Variants in PTK2 observed in about 807,000 individuals in gnomAD.
The protein encoded by PTK2 is protein tyrosine kinase 2.
Under a neutral mutation model 150.1 loss-of-function variants are expected in PTK2, and 45 were observed. That is an observed-to-expected ratio of 0.30 (90% CI 0.24 to 0.38). The LOEUF is 0.38. Among genes scored for constraint, PTK2 ranks in the 10% least tolerant of loss-of-function variants. The pLI, the probability that PTK2 is intolerant of heterozygous loss-of-function variation, is 1.00. For synonymous variants in PTK2, 432 were observed against 449.2 expected (o/e 0.96, Z 0.48); for missense variants, 919 against 1,307.3 (o/e 0.70, Z 4.58).
At chr8:140,790,431 C>T (rs2100087762) in intron 13 of PTK2, among the ~76,000 whole-genome samples, 1 of 152,058 alleles carries the variant, frequency 6.6e-6, no homozygotes, top group Non-Finnish European at 1.5e-5. Flanking sequence ...TACATGTAAC[C>T]CAAAAGTAAT....
intron 2 of PTK2, among the ~76,000 whole-genome samples, chr8:140,903,883 A>T (rs570864267): frequency 1.7e-4 from 26 of 152,324 alleles, no homozygotes; most frequent in Middle Eastern, 3.4e-3. Context: ...TATCAGCTTA[A>T]GGAGATTTTG....
chr8:140,670,533 ACACAC>A (rs1288804446), intron 29 of PTK2, among the ~76,000 whole-genome samples: 1 of 142,328 alleles, frequency 7.0e-6, no homozygotes, highest in Non-Finnish European at 1.5e-5. Context: ...ACACACACAC[ACACAC>A]ATTGGGAGCT....
chr8:140,898,148 AAAG>A (rs1263869213), intron 2 of PTK2, among the ~76,000 whole-genome samples: 2 of 152,232 alleles, frequency 1.3e-5, no homozygotes, highest in African/African-American at 2.4e-5. Flanking sequence ...TTTCTAGAAA[AAAG>A]AAGTTTTTTT....
chr8:140,662,525 C>T (rs1032610913), intron 31 of PTK2: 18 of 399,938 alleles, frequency 4.5e-5, no homozygotes, highest in African/African-American at 2.3e-4. Flanking sequence ...GCCAGAGGCC[C>T]GGTGAAGCAG....
chr8:140,960,154 AG>A (rs2100182613), intron 1 of PTK2, among the ~76,000 whole-genome samples: 1 of 151,166 alleles, frequency 6.6e-6, no homozygotes, highest in African/African-American at 2.4e-5. Context: ...TTGTATTAGA[AG>A]GAAAAAAACA....
At chr8:140,825,592 C>T (rs551047236) in intron 8 of PTK2, among the ~76,000 whole-genome samples, 71 of 152,302 alleles carry the variant, frequency 4.7e-4, no homozygotes, top group African/African-American at 1.6e-3. Context: ...CTAATTTAAG[C>T]TCAGAGTAGA....
rs13269451 is a variant in PTK2, at chr8:140,677,856, C to T, written c.2563-2357G>A. On this transcript the variant is annotated intron_variant, in intron 27 of 31. Coordinates refer to ENST00000522684, the Ensembl canonical transcript of PTK2. ...ACAGTTATTGAACATCCGCTTTGTT[C>T]TAGCACTGTTCTAGGTATAAAACAA... Among the ~76,000 whole-genome samples, 569 of 152,324 alleles carry T rather than the reference C, an allele frequency of 3.7e-3. 2 individuals are homozygous for T. Among genetic ancestry groups the T allele is most frequent in the Middle Eastern group, 0.01 (3 of 294 alleles).
chr8:140,736,348 A>G (rs576119010), intron 21 of PTK2, among the ~76,000 whole-genome samples: 1 of 152,294 alleles, frequency 6.6e-6, no homozygotes, highest in African/African-American at 2.4e-5. Flanking sequence ...GAAGATGGGA[A>G]CAACAGACAG....
intron 3 of PTK2, among the ~76,000 whole-genome samples, chr8:140,888,750 G>C (rs1444652073): frequency 6.8e-6 from 1 of 146,782 alleles, no homozygotes; most frequent in African/African-American, 2.4e-5. Flanking sequence ...TGAGTCTTCT[G>C]ATGTAAGTCT....
intron 31 of PTK2, 135 bp downstream of exon 35, chr8:140,664,782 G>A: frequency 1.2e-6 from 1 of 849,290 alleles, no homozygotes; most frequent in South Asian, 1.5e-5. Flanking sequence ...TTAGAGGGAA[G>A]GTCATCGCTT....
chr8:140,878,092 TCTAA>T (rs1233945252), intron 4 of PTK2, among the ~76,000 whole-genome samples: 2 of 152,336 alleles, frequency 1.3e-5, no homozygotes, highest in Admixed American at 6.5e-5. Flanking sequence ...GGTATTTTTA[TCTAA>T]CTTTTACATA....
chr8:140,863,644 G>A (rs997177877), intron 5 of PTK2, among the ~76,000 whole-genome samples: 19 of 152,072 alleles, frequency 1.2e-4, no homozygotes, highest in Non-Finnish European at 2.5e-4. Context: ...AATCTATACT[G>A]GGTCAGCAGA....
intron 5 of PTK2, among the ~76,000 whole-genome samples, chr8:140,859,670 C>T (rs2100134884): frequency 1.3e-5 from 2 of 152,120 alleles, no homozygotes; most frequent in African/African-American, 2.4e-5. Flanking sequence ...ACTTACGTAA[C>T]GTTTCAGCTG....
In PTK2 at chr8:140,836,903, G is replaced by C. The variant is rs75378864; in HGVS notation, c.594-6377C>G. ...AAACCACTTAATAAGGAATCAAGCA[G>C]AAATGAAAAGTTAGATGGTTCATTT... On this transcript the variant is annotated intron_variant, in intron 7 of 31. Transcript: ENST00000522684. Among the ~76,000 whole-genome samples the C allele has an allele frequency of 1.0e-3, 157 of 152,206 alleles. 1 individual carries two copies. Among genetic ancestry groups the C allele is most frequent in the African/African-American group, 3.7e-3 (154 of 41,526 alleles).
At chr8:140,838,266 C>G (rs1008656755) in intron 7 of PTK2, among the ~76,000 whole-genome samples, 3 of 151,990 alleles carry the variant, frequency 2.0e-5, no homozygotes, top group African/African-American at 7.3e-5. Context: ...CTTTCTGTAC[C>G]GAAGAAATAT....
At chr8:140,985,131 T>C (rs2100192835) in intron 1 of PTK2, among the ~76,000 whole-genome samples, 1 of 152,210 alleles carries the variant, frequency 6.6e-6, no homozygotes, top group Non-Finnish European at 1.5e-5. Flanking sequence ...TTTTATTTTT[T>C]TATTTTTGTG....
chr8:140,883,441 T>C (rs1311264644), intron 3 of PTK2, among the ~76,000 whole-genome samples: 1 of 152,240 alleles, frequency 6.6e-6, no homozygotes, highest in Non-Finnish European at 1.5e-5. Context: ...AAGAGATATC[T>C]GAAGCAACAC....
intron 10 of PTK2, among the ~76,000 whole-genome samples, chr8:140,810,123 C>A (rs1384848926): frequency 6.6e-6 from 1 of 152,196 alleles, no homozygotes; most frequent in Non-Finnish European, 1.5e-5. Context: ...GAGCAACCTG[C>A]TCTCACTACA....
At chr8:140,820,083 T>C (rs1012016090) in intron 8 of PTK2, among the ~76,000 whole-genome samples, 20 of 42,730 alleles carry the variant, frequency 4.7e-4, no homozygotes, top group South Asian at 2.6e-3. Flanking sequence ...TTGGTTTTTT[T>C]TTTTTTTTTT....
Sources: gnomAD v4.1 joint callset for allele counts (sites outside exome capture counted in the v4.1 genomes callset) on GRCh38, gnomAD v4.1.1 for gene constraint, MANE v1.5 for transcripts, NCBI Gene and HGNC (gene_info 2026-07-23, HGNC 2026-07-21) for gene names.